The following EVPL variants were observed in gnomAD, a reference collection of about 807,000 sequenced individuals.
The protein encoded by EVPL is envoplakin.
Under a neutral mutation model 129.7 loss-of-function variants are expected in EVPL, and 94 were observed. That is an observed-to-expected ratio of 0.72 (90% confidence interval 0.61 to 0.86). EVPL has a LOEUF of 0.86. Ranked by LOEUF, EVPL falls within the 40% of genes least tolerant of loss-of-function variation. The pLI, the probability that EVPL is intolerant of heterozygous loss-of-function variation, is 0.00. For synonymous variants in EVPL, 1,172 were observed against 1,191.1 expected, an observed-to-expected ratio of 0.98 and a Z score of 0.33; for missense variants, 2,625 against 2,721.1, an observed-to-expected ratio of 0.96 and a Z score of 0.79.
At chr17:76,019,200 T>A in intron 10 of EVPL, 140 bp from the exon 11 acceptor site, 2 of 918,788 alleles carry the variant, frequency 2.2e-6, no homozygotes, top group South Asian at 4.5e-5. Flanking sequence ...AAGGAGCCCC[T>A]CTCTGGGGGA....
chr17:76,014,718 G>A, intron 17 of EVPL, 142 bp from the exon 18 acceptor site: 1 of 1,260,890 alleles, frequency 7.9e-7, no homozygotes, highest in Non-Finnish European at 1.1e-6. Flanking sequence ...CCCACTCCCT[G>A]ACCCTGGGAA....
At chr17:76,026,854 C>T (rs2066501430) in intron 1 of EVPL, among the ~76,000 whole-genome samples, 1 of 152,242 alleles carries the variant, frequency 6.6e-6, no homozygotes, top group African/African-American at 2.4e-5. Flanking sequence ...CTCAGGCCCC[C>T]TTAGAGGATG....
In EVPL at chr17:76,021,553, T is replaced by C. The variant is rs1598243316; in HGVS notation, c.926A>G (p.Glu309Gly). ...PAVGPIQAHQ[E>G]ALKMEWQNFL... ...GTTCTGCCACTCCATCTTCAGGGCC[T>C]CCTGGTGGGCCTGGGTACGGCAGCA... The change falls in exon 9 of 22, where the codon GAG becomes GGG. Residue 309 changes from glutamate (E) to glycine (G), a missense_variant. Glu to Gly is a moderately conservative substitution (Grantham distance 98). Coordinates refer to ENST00000301607, the MANE Select transcript of EVPL (RefSeq NM_001988.4). 2.5e-6 allele frequency: 4 copies of C among 1,605,298 alleles called. No individual in the cohort carries two copies. Among genetic ancestry groups the C allele is most frequent in the Non-Finnish European group, 3.4e-6 (4 of 1,177,292 alleles).
At chr17:76,019,783 A>G in intron 9 of EVPL, 130 bp from the exon 10 acceptor site, 1 of 1,189,588 alleles carries the variant, frequency 8.4e-7, no homozygotes. Context: ...CAAACCAGCT[A>G]AACACAAACC....
At position 76,009,655 on chromosome 17, in the gene EVPL, C is replaced by T; in HGVS notation, c.3550G>A (p.Glu1184Lys). Residue 1184 changes from glutamate (E) to lysine (K), a missense_variant, in exon 22 of 22, where the codon GAG (glutamate) becomes AAG (lysine). Glu to Lys is a moderately conservative substitution (Grantham distance 56). Around this residue, in one of 4 missense-constraint regions of EVPL, gnomAD observed 1,453 missense variants for 1,511.8 expected, o/e 0.96. Coordinates refer to ENST00000301607, the MANE Select transcript of EVPL (RefSeq NM_001988.4). The surrounding 1 kb of genome is among the most constrained non-coding windows in gnomAD (Gnocchi z 5.9). ...AGCTGCACTTTGGGCCTCTGCTTCT[C>T]CACCACGCTGTACTTGCTGTGCAGG... Reference protein sequence around the residue: ...SDLHSKYSVVEKQRPKVQLQE... With the variant: ...SDLHSKYSVVKKQRPKVQLQE... 1 of 1,613,812 alleles carries T rather than the reference C, an allele frequency of 6.2e-7. No individual in the cohort carries two copies. Among genetic ancestry groups the T allele is most frequent in the East Asian group, 2.2e-5 (1 of 44,880 alleles).
In EVPL at chr17:76,009,365, G is replaced by A. The variant is rs529955965; in HGVS notation, c.3840C>T (p.Leu1280=). 18 of 1,613,560 alleles carry A rather than the reference G, an allele frequency of 1.1e-5. No individual in the cohort carries two copies. In the East Asian group the frequency reaches 2.0e-4, roughly 18 times the overall value. Residue 1280 remains leucine, a synonymous_variant, in exon 22 of 22, where the codon CTC becomes CTT. Transcript: ENST00000301607. This position sits in a 1 kb window ranked among gnomAD's most constrained non-coding sequence, Gnocchi z 5.9. ...CCTGGGAGCGCCCGTGGCTGTTGAC[G>A]AGCTCGTTGAGCTGAGCCTTCAGGC... ...IDRLKAQLNE[L]VNSHGRSQEQ... is the part of the protein sequence containing the mutation.
intron 14 of EVPL, among the ~76,000 whole-genome samples, chr17:76,017,467 A>C (rs1043133226): frequency 1.7e-4 from 26 of 152,236 alleles, no homozygotes; most frequent in African/African-American, 6.3e-4. Flanking sequence ...GCCCTACTGG[A>C]ACCTTCCTGA....
rs2066362407 is a variant in EVPL at position 76,009,952 on chromosome 17, T to G, written c.3253A>C (p.Asn1085His). The G allele has an allele frequency of 6.2e-7, 1 of 1,613,928 alleles. No homozygotes were observed. The highest frequency in any genetic ancestry group is 1.3e-5 in the African/African-American group (1 of 74,908). The change falls in exon 22 of 22, where the codon AAT (asparagine) becomes CAT (histidine). Residue 1085 changes from asparagine (N) to histidine (H), a missense_variant. Physicochemically the swap from Asn to His is moderately conservative, Grantham distance 68. This residue lies in a region of EVPL where 1,453 missense variants were observed against 1,511.8 expected (regional missense o/e 0.96). Transcript: ENST00000301607. This position sits in a 1 kb window ranked among gnomAD's most constrained non-coding sequence, Gnocchi z 5.9. ...TGGGCTGCCTTGACCATTTCCAGAT[T>G]CTTCTCCACCTTGACTACCTCTTTC... ...VVKEVVKVEK[N>H]LEMVKAAQAL...
Position 76,010,413 on chromosome 17 carries a change from AC to A in EVPL, c.2791del (p.Val931CysfsTer15). ...CCTCTGCGCCTCCAGCTCATGCTGCACCCGGGCCACCCGCTTCCTCTCCTCT... is the reference window on the plus strand; with the variant it reads ...CCTCTGCGCCTCCAGCTCATGCTGCACCGGGCCACCCGCTTCCTCTCCTCT... ...LEEERKRVAR[V>X]QHELEAQRSQ... On this transcript the variant is annotated frameshift_variant, in exon 22 of 22. Transcript: ENST00000301607. LOFTEE classifies it low-confidence loss of function (END_TRUNC). 6.2e-7 allele frequency: 1 copy of A among 1,613,556 alleles called. No individual in the cohort carries two copies. The highest frequency in any genetic ancestry group is 8.5e-7 in the Non-Finnish European group (1 of 1,179,902).
In EVPL at chr17:76,019,507, G is replaced by T. The variant is rs200200722; in HGVS notation, c.1137+21C>A. The T allele has an allele frequency of 1.9e-6, 3 of 1,538,628 alleles. No individual in the cohort carries two copies. In the Admixed American group the frequency reaches 6.7e-5, roughly 34 times the overall value. On this transcript the variant is annotated intron_variant, in intron 10 of 21. Coordinates refer to ENST00000301607, the MANE Select transcript of EVPL (RefSeq NM_001988.4). Reference sequence around the variant, plus strand: ...CAATTCCCAGAAGTGGGGTGCAGACGGCCTGGTGGGGTTGTCTCACCTCCA... The same window carrying T: ...CAATTCCCAGAAGTGGGGTGCAGACTGCCTGGTGGGGTTGTCTCACCTCCA...
chr17:76,019,687 G>A (rs750771698), intron 9 of EVPL, 34 bp from the exon 10 acceptor site: 20 of 1,599,580 alleles, frequency 1.3e-5, no homozygotes, highest in Admixed American at 3.5e-5. Context: ...GCAGAGCCTC[G>A]TGCAACCTGC....
intron 19 of EVPL, 42 bp from the exon 20 acceptor site, chr17:76,011,924 G>A: frequency 6.2e-7 from 1 of 1,606,368 alleles, no homozygotes; most frequent in Non-Finnish European, 8.5e-7. Flanking sequence ...AACCAGTGGG[G>A]GAGGCTGGGT....
intron 13 of EVPL, 100 bp downstream of exon 13, chr17:76,018,061 C>T (rs545534337): frequency 3.8e-5 from 58 of 1,532,828 alleles, no homozygotes; most frequent in Non-Finnish European, 5.0e-5. Context: ...GAGTGATGGT[C>T]CCTAACCCAA....
At chr17:76,023,252 G>A (rs764950777) in intron 4 of EVPL, 40 bp downstream of exon 4, 51 of 1,610,846 alleles carry the variant, frequency 3.2e-5, no homozygotes, top group Admixed American at 1.2e-4. Context: ...GTTCCGTATC[G>A]CCCTCTGATC....
chr17:76,010,567 G>A lies in EVPL; in HGVS notation c.2662-24C>T. On this transcript the variant is annotated intron_variant, in intron 21 of 21. Coordinates refer to ENST00000301607, the MANE Select transcript of EVPL (RefSeq NM_001988.4). Reference sequence around the variant, plus strand: ...TTCTGCAGAGAGGAAGAAGGGTAGAGCACGGGGTGGGCGGTAGAGATAGGA... The same window carrying A: ...TTCTGCAGAGAGGAAGAAGGGTAGAACACGGGGTGGGCGGTAGAGATAGGA... The A allele has an allele frequency of 2.5e-6, 4 of 1,591,902 alleles. No homozygotes were observed. In the South Asian group the frequency reaches 3.4e-5, roughly 13 times the overall value.
rs763911258 is a variant in EVPL, at chr17:76,022,542, C to T, written c.481-4G>A. 3 of 1,601,666 alleles carry T rather than the reference C, an allele frequency of 1.9e-6. No individual in the cohort carries two copies. Among genetic ancestry groups the T allele is most frequent in the East Asian group, 4.5e-5 (2 of 44,540 alleles). ...ACTGGCCTGCGCAGACCTGCTTCTG[C>T]AGGAGAGCCGGCGGCTCAGTCCCCA... On this transcript the variant is annotated splice_polypyrimidine_tract_variant and splice_region_variant and intron_variant, in intron 4 of 21. Coordinates refer to ENST00000301607, the MANE Select transcript of EVPL (RefSeq NM_001988.4). The surrounding 1 kb of genome is among the most constrained non-coding windows in gnomAD (Gnocchi z 5.6).
chr17:76,019,155 T>A, intron 10 of EVPL, 95 bp from the exon 11 acceptor site: 1 of 1,323,270 alleles, frequency 7.6e-7, no homozygotes, highest in Non-Finnish European at 9.9e-7. Flanking sequence ...AGGCTGGCCT[T>A]CATGAAGGCA....
intron 21 of EVPL, 48 bp from the exon 22 acceptor site, chr17:76,010,591 G>A (rs766100426): frequency 1.3e-6 from 2 of 1,532,778 alleles, no homozygotes; most frequent in Non-Finnish European, 1.7e-6. Flanking sequence ...GTAGAGATAG[G>A]AGCTCCATGT....
intron 8 of EVPL, 40 bp from the exon 9 acceptor site, chr17:76,021,603 C>CCCCACGTCCGCCCCA: frequency 2.1e-6 from 3 of 1,444,802 alleles, no homozygotes; most frequent in East Asian, 2.7e-5. Flanking sequence ...CACGCCCCCC[C>CCCCACGTCCGCCCCA]CACGTCCGCC....
Sources: allele counts gnomAD v4.1 joint callset (sites outside exome capture counted in the v4.1 genomes callset), GRCh38; gene constraint gnomAD v4.1.1; regional missense constraint gnomAD v4.1.1; non-coding constraint Gnocchi (gnomAD v3.1); transcripts MANE v1.5; gene names NCBI Gene and HGNC (gene_info 2026-07-23, HGNC 2026-07-21).